The following LARP1B variants were observed in gnomAD, a reference collection of about 807,000 sequenced individuals.
LARP1B encodes La ribonucleoprotein 1B.
A neutral mutation model predicts 114.2 loss-of-function variants in LARP1B; 76 were observed. The observed-to-expected ratio is 0.67, with a 90% CI of 0.55 to 0.81. The LOEUF (loss-of-function observed/expected upper bound fraction) is 0.81, where lower values mean the gene tolerates loss of function less well. LARP1B is among the 30% of genes least tolerant of loss of function. The pLI, the probability that LARP1B is intolerant of heterozygous loss-of-function variation, is 0.00. For synonymous variants in LARP1B, 345 were observed against 348.0 expected, an observed-to-expected ratio of 0.99 and a Z score of 0.10; for missense variants, 1,014 against 1,075.8, an observed-to-expected ratio of 0.94 and a Z score of 0.80.
chr4:128,068,956 G>T, intron 1 of LARP1B: 2 of 586,624 alleles, frequency 3.4e-6, no homozygotes, highest in Non-Finnish European at 5.9e-6. Context: ...ATACCTGTAA[G>T]CAGACATGAT....
At chr4:128,174,611 A>G (rs1200272962) in intron 12 of LARP1B, among the ~76,000 whole-genome samples, 1 of 152,106 alleles carries the variant, frequency 6.6e-6, no homozygotes, top group Admixed American at 6.5e-5. Flanking sequence ...AAATGTTCAG[A>G]TACAGATAAC....
At chr4:128,141,200 C>A (rs1727943589) in intron 11 of LARP1B, among the ~76,000 whole-genome samples, 1 of 151,994 alleles carries the variant, frequency 6.6e-6, no homozygotes, top group Admixed American at 6.6e-5. Context: ...GTATTGAAGA[C>A]TTTGTTAACA....
At chr4:128,089,804 T>C (rs1409536662) in intron 5 of LARP1B, among the ~76,000 whole-genome samples, 1 of 151,896 alleles carries the variant, frequency 6.6e-6, no homozygotes, top group Non-Finnish European at 1.5e-5. Context: ...CGGAGTCTTG[T>C]TCTATGCCCA....
At chr4:128,062,986 G>A (rs1309911137) in intron 1 of LARP1B, among the ~76,000 whole-genome samples, 6 of 152,118 alleles carry the variant, frequency 3.9e-5, no homozygotes, top group Admixed American at 1.3e-4. Context: ...ACATGCGAGC[G>A]TGGATTGCAC....
At chr4:128,130,883 G>A (rs1184310923) in intron 11 of LARP1B, among the ~76,000 whole-genome samples, 1 of 152,184 alleles carries the variant, frequency 6.6e-6, no homozygotes, top group Non-Finnish European at 1.5e-5. Context: ...AAAAGACATG[G>A]ATTCATACAA....
intron 11 of LARP1B, among the ~76,000 whole-genome samples, chr4:128,127,729 A>G (rs989474071): frequency 6.6e-6 from 1 of 152,166 alleles, no homozygotes; most frequent in Non-Finnish European, 1.5e-5. Context: ...GCTACTTGGG[A>G]GGCTGAGGCA....
exon 7 of LARP1B, chr4:128,220,416 A>C (rs1011199610): frequency 1.1e-6 from 1 of 889,790 alleles, no homozygotes; most frequent in Non-Finnish European, 1.3e-6. Context: ...ACGGAATGTC[A>C]GATCTGTAGA....
rs1209551662 is a variant in LARP1B, at chr4:128,210,569, AAG to A, written c.*518_*519del. On this transcript the variant is annotated 3_prime_UTR_variant, in exon 20 of 20. Transcript: ENST00000326639. ...ACGTATATGTTTTTTAAATTCAAAAAAGAATATGAAATTATACCTTTAGTATC... is the reference window on the plus strand; with the variant it reads ...ACGTATATGTTTTTTAAATTCAAAAAAATATGAAATTATACCTTTAGTATC... The A allele has an allele frequency of 3.2e-6, 3 of 948,440 alleles. No individual in the cohort carries two copies. The African/African-American group carries it at 5.3e-5, about 17-fold the overall frequency. The allele number at this position is 948,440 out of a possible 1,614,324, so 58.8% of individuals were successfully genotyped here.
chr4:128,222,650 T>G, downstream of LARP1B: 2 of 264,348 alleles, frequency 7.6e-6, no homozygotes, highest in Admixed American at 4.8e-5. Flanking sequence ...GGGGAATAAC[T>G]TACTCTTTAA....
At chr4:128,141,967 T>C (rs915223353) in intron 11 of LARP1B, among the ~76,000 whole-genome samples, 1 of 152,236 alleles carries the variant, frequency 6.6e-6, no homozygotes, top group African/African-American at 2.4e-5. Flanking sequence ...ACTTCAGTTG[T>C]GGCAGAGTAT....
intron 11 of LARP1B, among the ~76,000 whole-genome samples, chr4:128,160,137 A>G (rs953920583): frequency 2.0e-5 from 3 of 152,206 alleles, no homozygotes; most frequent in African/African-American, 7.2e-5. Flanking sequence ...GTCATAGGCA[A>G]TATGTAAACA....
At chr4:128,110,676 C>CAAAAAAAAAAAAAAAAAAAAAAAAAAAAA in intron 9 of LARP1B, among the ~76,000 whole-genome samples, 1 of 32,430 alleles carries the variant, frequency 3.1e-5, no homozygotes, top group Non-Finnish European at 4.7e-5. Context: ...GACTCCGTCT[C>CAAAAAAAAAAAAAAAAAAAAAAAAAAAAA]AAAAAAAAAA....
chr4:128,190,319 C>T (rs767107826), intron 15 of LARP1B, among the ~76,000 whole-genome samples: 6 of 152,096 alleles, frequency 3.9e-5, no homozygotes, highest in Admixed American at 2.6e-4. Flanking sequence ...AAAATCAGAG[C>T]TCTTTTATAT....
intron 8 of LARP1B, among the ~76,000 whole-genome samples, chr4:128,102,955 C>T (rs1780796352): frequency 6.6e-6 from 1 of 152,050 alleles, no homozygotes; most frequent in Non-Finnish European, 1.5e-5. Flanking sequence ...TTTTTATCTC[C>T]AGGTCTTTGC....
At chr4:128,213,730 CT>C (rs1759281894), downstream of LARP1B, among the ~76,000 whole-genome samples, 2 of 152,204 alleles carry the variant, frequency 1.3e-5, no homozygotes, top group African/African-American at 2.4e-5. Flanking sequence ...ACTCCTCCTC[CT>C]CCTTTTAAGA....
chr4:128,108,829 T>C (rs1782972824), intron 9 of LARP1B: 1 of 983,720 alleles, frequency 1.0e-6, no homozygotes, highest in African/African-American at 1.7e-5. Context: ...GTAGGTAAGA[T>C]AGGTCAGTCA....
intron 5 of LARP1B, among the ~76,000 whole-genome samples, chr4:128,083,629 C>T (rs1342526758): frequency 6.9e-6 from 1 of 145,562 alleles, no homozygotes; most frequent in African/African-American, 2.5e-5. Context: ...GTGCTGACCC[C>T]CCCACCTCCC....
rs1484251728 is a variant in LARP1B, at chr4:128,077,850, G to A, written c.105G>A (p.Lys35=). The part of the protein sequence containing the change: ...KPQNRKEKEE[K]VEKRSNSDSK... ...AAAATAGAAAAGAAAAAGAAGAGAA[G>A]GTTGAAAAGAGAAGTAACAGTGACA... The change falls in exon 4 of 20, where the codon AAG becomes AAA. Residue 35 remains lysine, a synonymous_variant. Transcript: ENST00000326639. 3.7e-6 allele frequency: 6 copies of A among 1,611,390 alleles called. No homozygotes were observed. The highest frequency in any genetic ancestry group is 5.1e-6 in the Non-Finnish European group (6 of 1,178,824).
chr4:128,132,220 G>T (rs1364295010), intron 11 of LARP1B, among the ~76,000 whole-genome samples: 1 of 152,074 alleles, frequency 6.6e-6, no homozygotes, highest in Non-Finnish European at 1.5e-5. Flanking sequence ...GCAATCAAAA[G>T]AAATGAAGTA....
Sources: gnomAD v4.1 joint callset for allele counts (sites outside exome capture counted in the v4.1 genomes callset) on GRCh38, gnomAD v4.1.1 for gene constraint, MANE v1.5 for transcripts, NCBI Gene and HGNC (gene_info 2026-07-23, HGNC 2026-07-21) for gene names.